Variants in EIF3F observed in about 807,000 individuals in gnomAD.
EIF3F encodes eukaryotic translation initiation factor 3 subunit F, also known as deubiquitinating enzyme eIF3f.
A neutral mutation model predicts 36.0 loss-of-function variants in EIF3F; 8 were observed. That is an observed-to-expected ratio of 0.22 (90% CI 0.13 to 0.40). The LOEUF (loss-of-function observed/expected upper bound fraction) is 0.40, where lower values mean the gene tolerates loss of function less well. Ranked by LOEUF, EIF3F falls within the 10% of genes least tolerant of loss-of-function variation. The pLI is 1.00. For synonymous variants in EIF3F, 184 were observed against 188.5 expected, an observed-to-expected ratio of 0.98 and a Z score of 0.19; for missense variants, 430 against 467.6, an observed-to-expected ratio of 0.92 and a Z score of 0.74.
At chr11:7,994,846 A>G in intron 5 of EIF3F, 136 bp from the exon 6 acceptor site, 1 of 1,283,056 alleles carries the variant, frequency 7.8e-7, no homozygotes, top group Middle Eastern at 2.8e-4. Context: ...AGTGTGACTG[A>G]GCAGACTGAG....
Position 7,992,932 on chromosome 11 carries a change from C to T in EIF3F, c.561C>T (p.His187=), listed in dbSNP as rs4758267. 1,159,722 of 1,613,468 alleles carry T rather than the reference C, an allele frequency of 0.72. 419,661 individuals are homozygous for T. Among genetic ancestry groups the T allele is most frequent in the East Asian group, 0.85 (38,008 of 44,842 alleles). ...TCACAGAGCACTCTGTGCTGATCCA[C>T]GAGTACTACAGCCGAGAGGCCCCCA... is the stretch of plus-strand genomic sequence containing the variant. ...HDITEHSVLI[H]EYYSREAPNP... The change falls in exon 4 of 8, where the codon CAC becomes CAT. Residue 187 remains histidine (H), a synonymous_variant. Coordinates refer to ENST00000651655, the MANE Select transcript of EIF3F (RefSeq NM_003754.3).
In EIF3F at chr11:7,995,362, A is replaced by C. The variant is rs1441436259; in HGVS notation, c.991A>C (p.Ile331Leu). 1 of 1,613,144 alleles carries C rather than the reference A, an allele frequency of 6.2e-7. No homozygotes were observed. Among genetic ancestry groups the C allele is most frequent in the South Asian group, 1.1e-5 (1 of 91,042 alleles). The change falls in exon 7 of 8, where the codon ATC (isoleucine) becomes CTC (leucine). Residue 331 changes from isoleucine to leucine, a missense_variant. Ile to Leu is a conservative substitution (Grantham distance 5). Transcript: ENST00000651655. Reference protein sequence around the residue: ...DDFETMLNSNINDLLMVTYLA... With the variant: ...DDFETMLNSNLNDLLMVTYLA... Reference sequence around the variant, plus strand: ...CTTTGAGACCATGCTCAACAGCAACATCAATGTGAGTGCCCTTCCTGAGCC... The same window carrying C: ...CTTTGAGACCATGCTCAACAGCAACCTCAATGTGAGTGCCCTTCCTGAGCC...
At chr11:7,989,964 CAAAAT>C (rs902124235) in intron 1 of EIF3F, among the ~76,000 whole-genome samples, 40 of 152,278 alleles carry the variant, frequency 2.6e-4, no homozygotes, top group Admixed American at 2.4e-3. Flanking sequence ...CCTGAGAAGA[CAAAAT>C]GAAAGTCTAA....
chr11:7,995,178 A>C, intron 6 of EIF3F, 60 bp downstream of exon 6: 3 of 1,606,036 alleles, frequency 1.9e-6, no homozygotes, highest in Non-Finnish European at 2.6e-6. Context: ...GGGATCACTG[A>C]GGCATGTGCT....
chr11:7,991,996 G>C (rs1942101831), intron 2 of EIF3F, 88 bp from the exon 3 acceptor site: 1 of 1,503,354 alleles, frequency 6.7e-7, no homozygotes, highest in Non-Finnish European at 9.2e-7. Context: ...GGCCTCTTCT[G>C]TTTATTGGGG....
intron 1 of EIF3F, among the ~76,000 whole-genome samples, chr11:7,990,162 TGAAA>T (rs1367190082): frequency 6.6e-6 from 1 of 152,026 alleles, no homozygotes; most frequent in Non-Finnish European, 1.5e-5. Context: ...TGGTTAAGTG[TGAAA>T]GAAGAAAGGG....
At position 7,994,516 on chromosome 11, in the gene EIF3F, A is replaced by C. The variant is rs1188645407; in HGVS notation, c.744A>C (p.Gly248=). 1.2e-6 allele frequency: 2 copies of C among 1,612,878 alleles called. No individual in the cohort carries two copies. Among genetic ancestry groups the C allele is most frequent in the African/African-American group, 2.7e-5 (2 of 74,876 alleles). The change falls in exon 5 of 8, where the codon GGA becomes GGC. Residue 248 remains glycine, a splice_region_variant and synonymous_variant. Coordinates refer to ENST00000651655, the MANE Select transcript of EIF3F (RefSeq NM_003754.3). ...CGTACTACGACACTGAACGCATCGG[A>C]GGTGAGTAACCTTTCCATACACTCG... ...KYAYYDTERI[G]VDLIMKTCFS... is the part of the protein sequence containing the mutation.
chr11:7,994,594 C>T lies in EIF3F; in HGVS notation c.745+77C>T, dbSNP rs1048173940. On this transcript the variant is annotated intron_variant, in intron 5 of 7. Coordinates refer to ENST00000651655, the MANE Select transcript of EIF3F (RefSeq NM_003754.3). ...GGGGGCTGCTAGTCTGCAACATGGA[C>T]GGAGGCCTTGGGTGGTTTGAAAAGG... 2.2e-5 allele frequency: 31 copies of T among 1,399,234 alleles called. 2 individuals are homozygous for T. Among genetic ancestry groups the T allele is most frequent in the South Asian group, 1.1e-4 (9 of 79,524 alleles). 86.7% of individuals were successfully genotyped at this position (1,399,234 alleles called of 1,614,324 possible).
rs1942045239 is a variant in EIF3F at position 7,987,818 on chromosome 11, C to T, written c.364+102C>T. ...CTTTAATTCCTGGTGTCCTACCGTC[C>T]TTTCCTCCCATCCCCAATGACCTCT... On this transcript the variant is annotated intron_variant, in intron 1 of 7. Transcript: ENST00000651655. 8 of 1,372,552 alleles carry T rather than the reference C, an allele frequency of 5.8e-6. No individual in the cohort carries two copies. The South Asian group carries it at 1.4e-4, about 25-fold the overall frequency. 85.0% of individuals were successfully genotyped at this position (1,372,552 alleles called of 1,614,324 possible).
At position 7,996,310 on chromosome 11, in the gene EIF3F, G is replaced by T; in HGVS notation, c.*288G>T. The T allele has an allele frequency of 1.1e-5, 3 of 270,022 alleles. No individual in the cohort carries two copies. The highest frequency in any genetic ancestry group is 9.8e-5 in the South Asian group (1 of 10,210). 16.7% of individuals were successfully genotyped at this position (270,022 alleles called of 1,614,324 possible). ...TACTGTTTTACCAAACTGTTCTTTT[G>T]GTTTTCAATATGGAAAGGTGTCCAT... On this transcript the variant is annotated 3_prime_UTR_variant, in exon 8 of 8. Coordinates refer to ENST00000651655, the MANE Select transcript of EIF3F (RefSeq NM_003754.3).
rs1328783785 is a variant in EIF3F, at chr11:7,997,143, A to G, written c.*1121A>G. The G allele has an allele frequency of 6.6e-6, 1 of 152,250 alleles. No individual in the cohort carries two copies. The highest frequency in any genetic ancestry group is 1.5e-5 in the Non-Finnish European group (1 of 68,042). 9.4% of individuals were successfully genotyped at this position (152,250 alleles called of 1,614,324 possible). On this transcript the variant is annotated 3_prime_UTR_variant, in exon 8 of 8. Transcript: ENST00000651655. ...TCAGGAAATATAAGTTATGGGAGTC[A>G]TAAAGTGTGGATAGTAATGATAGAT...
In EIF3F at chr11:7,997,026, A is replaced by T. The variant is rs1942168461; in HGVS notation, c.*1004A>T. The T allele has an allele frequency of 6.6e-6, 1 of 152,218 alleles. No homozygotes were observed. Among genetic ancestry groups the T allele is most frequent in the Non-Finnish European group, 1.5e-5 (1 of 68,032 alleles). 9.4% of individuals were successfully genotyped at this position (152,218 alleles called of 1,614,324 possible). A position where few individuals can be genotyped will look rare whatever the true frequency, so the allele number is the denominator to read the frequency against. ...ACCTGGTATGTAGTAAGCACAGATAAGTGGTAGATACTATGATGCCTAAAG... is the reference window on the plus strand; with the variant it reads ...ACCTGGTATGTAGTAAGCACAGATATGTGGTAGATACTATGATGCCTAAAG... On this transcript the variant is annotated 3_prime_UTR_variant, in exon 8 of 8. Coordinates refer to ENST00000651655, the MANE Select transcript of EIF3F (RefSeq NM_003754.3).
chr11:7,994,633 A>G, intron 5 of EIF3F, 116 bp downstream of exon 5: 1 of 915,006 alleles, frequency 1.1e-6, no homozygotes, highest in Non-Finnish European at 1.7e-6. Context: ...TATTGATCTA[A>G]GGTTTGTGAA....
chr11:7,998,032 A>G lies in EIF3F; in HGVS notation c.*2010A>G, dbSNP rs956241557. 1 of 152,226 alleles carries G rather than the reference A, an allele frequency of 6.6e-6. No individual in the cohort carries two copies. The highest frequency in any genetic ancestry group is 1.5e-5 in the Non-Finnish European group (1 of 68,044). 9.4% of individuals were successfully genotyped at this position (152,226 alleles called of 1,614,324 possible). On this transcript the variant is annotated 3_prime_UTR_variant, in exon 8 of 8. Transcript: ENST00000651655. ...GGGACTTGAGCATCAGAGGATTTTT[A>G]TATCCAAGGAAGGTTCTGGAACCAA... is the stretch of plus-strand genomic sequence containing the variant.
chr11:7,989,130 C>G (rs77346663), intron 1 of EIF3F, among the ~76,000 whole-genome samples: 1 of 152,150 alleles, frequency 6.6e-6, no homozygotes, highest in African/African-American at 2.4e-5. Context: ...ATCCCATACC[C>G]GGACCCTCAC....
In EIF3F at chr11:7,997,089, G is replaced by T. The variant is rs1369332438; in HGVS notation, c.*1067G>T. 3 of 152,208 alleles carry T rather than the reference G, an allele frequency of 2.0e-5. No homozygotes were observed. Among genetic ancestry groups the T allele is most frequent in the African/African-American group, 4.8e-5 (2 of 41,454 alleles). The allele number at this position is 152,208 out of a possible 1,614,324, so 9.4% of individuals were successfully genotyped here. ...AAAGTAATAAGCAACATGAACCCCA[G>T]CCTGGAACTCAGTTCTGAGATATGT... On this transcript the variant is annotated 3_prime_UTR_variant, in exon 8 of 8. Coordinates refer to ENST00000651655, the MANE Select transcript of EIF3F (RefSeq NM_003754.3).
rs1462925761 is a variant in EIF3F, at chr11:7,995,080, G to A, written c.844G>A (p.Ala282Thr). The A allele has an allele frequency of 1.2e-6, 2 of 1,614,048 alleles. No homozygotes were observed. The highest frequency in any genetic ancestry group is 8.5e-7 in the Non-Finnish European group (1 of 1,179,942). The change falls in exon 6 of 8, where the codon GCC becomes ACC. Residue 282 changes from alanine to threonine, a missense_variant. Transcript: ENST00000651655. ...AGGGGCATCAGCTCGCATCCAGGATGCCCTGAGTACAGTGTTGCAATATGC... is the reference window on the plus strand; with the variant it reads ...AGGGGCATCAGCTCGCATCCAGGATACCCTGAGTACAGTGTTGCAATATGC... ...VGGASARIQD[A>T]LSTVLQYAED...
chr11:7,995,043 G>A lies in EIF3F; in HGVS notation c.807G>A (p.Leu269=), dbSNP rs1224903575. The A allele has an allele frequency of 1.2e-6, 2 of 1,613,962 alleles. No homozygotes were observed. Among genetic ancestry groups the A allele is most frequent in the Non-Finnish European group, 1.7e-6 (2 of 1,179,886 alleles). Residue 269 remains leucine (L), a synonymous_variant, in exon 6 of 8, where the codon TTG becomes TTA. Transcript: ENST00000651655. ...GAGTGATTGGACTCTCAAGTGACTT[G>A]CAGCAAGTAGGAGGGGCATCAGCTC... ...PNRVIGLSSD[L]QQVGGASARI...
rs751457916 is a variant in EIF3F, at chr11:7,992,995, C to T, written c.624C>T (p.Asn208=). Residue 208 remains asparagine, a synonymous_variant, in exon 4 of 8, where the codon AAC becomes AAT. Coordinates refer to ENST00000651655, the MANE Select transcript of EIF3F (RefSeq NM_003754.3). ...TCACTGTGGACACAAGTCTCCAGAACGGCCGCATGAGCATCAAAGCCTACG... is the reference window on the plus strand; with the variant it reads ...TCACTGTGGACACAAGTCTCCAGAATGGCCGCATGAGCATCAAAGCCTACG... ...IHLTVDTSLQ[N]GRMSIKAYVS... The T allele has an allele frequency of 8.1e-6, 13 of 1,607,630 alleles. No homozygotes were observed. Among genetic ancestry groups the T allele is most frequent in the East Asian group, 4.5e-5 (2 of 44,692 alleles).
Sources: gnomAD v4.1 joint callset for allele counts (sites outside exome capture counted in the v4.1 genomes callset) on GRCh38, gnomAD v4.1.1 for gene constraint, MANE v1.5 for transcripts, NCBI Gene and HGNC (gene_info 2026-07-23, HGNC 2026-07-21) for gene names.